Variants in GAS2L3 observed in about 807,000 individuals in gnomAD.
GAS2L3 encodes the protein growth arrest specific 2 like 3, also known as GAS2-like protein 3.
A neutral mutation model predicts 37.0 loss-of-function variants in GAS2L3; 28 were observed. That is an observed-to-expected ratio of 0.76 (90% CI 0.56 to 1.04). The LOEUF (loss-of-function observed/expected upper bound fraction) is 1.04. Among genes scored for constraint, GAS2L3 ranks in the 50% least tolerant of loss-of-function variants. GAS2L3 has a pLI of 0.00. For missense variants in GAS2L3, 793 were observed against 817.6 expected (o/e 0.97, Z 0.37); for synonymous variants, 290 against 296.6 (o/e 0.98, Z 0.23).
intron 5 of GAS2L3, among the ~76,000 whole-genome samples, chr12:100,602,313 A>G (rs1956000951): frequency 6.6e-6 from 1 of 152,122 alleles, no homozygotes; most frequent in African/African-American, 2.4e-5. Context: ...CCCTGAAGTC[A>G]TGATTTGAAG....
chr12:100,618,805 G>A (rs1956219610), intron 8 of GAS2L3: 3 of 447,928 alleles, frequency 6.7e-6, no homozygotes, highest in East Asian at 3.6e-5. Context: ...ATGTGTAGTT[G>A]AGGAGTGGTG....
At chr12:100,595,088 G>A (rs774375283) in intron 3 of GAS2L3, among the ~76,000 whole-genome samples, 166 bp downstream of exon 3, 1 of 151,596 alleles carries the variant, frequency 6.6e-6, no homozygotes, top group Non-Finnish European at 1.5e-5. Flanking sequence ...TCTCAAAAAC[G>A]TTCAATTCTA....
intron 1 of GAS2L3, among the ~76,000 whole-genome samples, chr12:100,591,388 A>G (rs1955844824): frequency 6.6e-6 from 1 of 152,180 alleles, no homozygotes; most frequent in Non-Finnish European, 1.5e-5. Context: ...ATTCCTAAAT[A>G]TTTATTCTAG....
chr12:100,608,002 C>A (rs539607775), intron 5 of GAS2L3, among the ~76,000 whole-genome samples: 6 of 152,164 alleles, frequency 3.9e-5, no homozygotes, highest in Admixed American at 3.9e-4. Context: ...AAGAGTTAGG[C>A]ATTTATTGTA....
rs1956347771 is a variant in GAS2L3 at position 100,627,952 on chromosome 12, T to C, written c.*3062T>C. On this transcript the variant is annotated 3_prime_UTR_variant, in exon 10 of 10. Coordinates refer to ENST00000547754, the MANE Select transcript of GAS2L3 (RefSeq NM_174942.3). ...CGATTATTTTTACCTTGTTTGGGCT[T>C]AAAGTAGGTATTTAAGGTTTATGTG... The C allele has an allele frequency of 6.6e-6, 1 of 152,210 alleles. No homozygotes were observed. The highest frequency in any genetic ancestry group is 6.5e-5 in the Admixed American group (1 of 15,280). The allele number at this position is 152,210 out of a possible 1,614,324, so 9.4% of individuals were successfully genotyped here. A position where few individuals can be genotyped will look rare whatever the true frequency, so the allele number is the denominator to read the frequency against.
At chr12:100,600,640 C>A in intron 4 of GAS2L3, 90 bp downstream of exon 4, 2 of 1,034,464 alleles carry the variant, frequency 1.9e-6, no homozygotes, top group Non-Finnish European at 3.0e-6. Context: ...GTGATTGTTA[C>A]AGATGCTGGG....
intron 8 of GAS2L3, 41 bp from the exon 9 acceptor site, chr12:100,622,234 T>C (rs904297861): frequency 8.9e-7 from 1 of 1,124,552 alleles, no homozygotes; most frequent in Non-Finnish European, 1.3e-6. Context: ...ACAAAATGCT[T>C]TTTGTGACAA....
At chr12:100,595,472 A>G (rs1955900403) in intron 3 of GAS2L3, among the ~76,000 whole-genome samples, 1 of 150,320 alleles carries the variant, frequency 6.7e-6, no homozygotes, top group Non-Finnish European at 1.5e-5. Context: ...ATAGCCTTAT[A>G]TCTGAATGAT....
chr12:100,582,778 A>G (rs906614479), intron 1 of GAS2L3, among the ~76,000 whole-genome samples: 3 of 152,246 alleles, frequency 2.0e-5, no homozygotes, highest in Non-Finnish European at 2.9e-5. Context: ...TAGAAATCAG[A>G]ACTCAGGGTC....
chr12:100,606,153 T>C (rs1956054108), intron 5 of GAS2L3, among the ~76,000 whole-genome samples: 1 of 152,086 alleles, frequency 6.6e-6, no homozygotes, highest in African/African-American at 2.4e-5. Flanking sequence ...ATATTTGCTT[T>C]ATTTATCTGA....
chr12:100,624,081 C>A lies in GAS2L3; in HGVS notation c.1276C>A (p.Pro426Thr). 6.2e-7 allele frequency: 1 copy of A among 1,613,976 alleles called. No homozygotes were observed. Among genetic ancestry groups the A allele is most frequent in the Non-Finnish European group, 8.5e-7 (1 of 1,179,974 alleles). Residue 426 changes from proline (P) to threonine (T), a missense_variant, in exon 10 of 10, where the codon CCT becomes ACT. By Grantham distance (38) the Pro-to-Thr change is conservative. Coordinates refer to ENST00000547754, the MANE Select transcript of GAS2L3 (RefSeq NM_174942.3). Reference sequence around the variant, plus strand: ...TTCACCAGCTTTACCAAGAACTGCACCTTGTATATCTGAGTCACCGAGAAA... The same window carrying A: ...TTCACCAGCTTTACCAAGAACTGCAACTTGTATATCTGAGTCACCGAGAAA... ...TSSPALPRTA[P>T]CISESPRKCI...
chr12:100,601,501 A>G (rs1955988766), intron 4 of GAS2L3, 137 bp from the exon 5 acceptor site: 3 of 510,918 alleles, frequency 5.9e-6, no homozygotes, highest in Non-Finnish European at 1.1e-5. Flanking sequence ...TTTTAACTGT[A>G]CCTTCTAAGA....
chr12:100,586,627 A>G (rs1461934911), intron 1 of GAS2L3, among the ~76,000 whole-genome samples: 1 of 152,196 alleles, frequency 6.6e-6, no homozygotes, highest in Non-Finnish European at 1.5e-5. Flanking sequence ...TATCAAAAAG[A>G]CTGAAAGAGC....
At chr12:100,618,217 G>A (rs1470682826) in intron 7 of GAS2L3, among the ~76,000 whole-genome samples, 6 of 152,102 alleles carry the variant, frequency 3.9e-5, no homozygotes, top group Non-Finnish European at 8.8e-5. Flanking sequence ...CAGGATCCCA[G>A]GTAGAATATT....
intron 5 of GAS2L3, among the ~76,000 whole-genome samples, chr12:100,609,609 A>C (rs1313387447): frequency 4.6e-5 from 7 of 152,172 alleles, no homozygotes; most frequent in African/African-American, 1.7e-4. Flanking sequence ...CCAGCTCAGC[A>C]CTGGGCTTGC....
chr12:100,615,404 TATTAG>T (rs1956173922), intron 6 of GAS2L3, among the ~76,000 whole-genome samples: 1 of 152,188 alleles, frequency 6.6e-6, no homozygotes, highest in Non-Finnish European at 1.5e-5. Context: ...TACTAGGCCA[TATTAG>T]ATAAGATTTG....
At chr12:100,617,678 C>T (rs1026306675) in intron 6 of GAS2L3, 66 bp from the exon 7 acceptor site, 1 of 967,142 alleles carries the variant, frequency 1.0e-6, no homozygotes, top group African/African-American at 1.6e-5. Flanking sequence ...CTCTCTTCTT[C>T]CATGCCAGAA....
At chr12:100,618,658 G>A in intron 8 of GAS2L3, 71 bp downstream of exon 8, 1 of 1,331,210 alleles carries the variant, frequency 7.5e-7, no homozygotes, top group Non-Finnish European at 1.0e-6. Context: ...CTTCTAGTGT[G>A]CTACAGGTGA....
chr12:100,589,028 G>A (rs895808055), intron 1 of GAS2L3, among the ~76,000 whole-genome samples: 13 of 152,092 alleles, frequency 8.5e-5, no homozygotes, highest in African/African-American at 3.1e-4. Flanking sequence ...TATCACAGTG[G>A]TCCTGAGGTG....
Sources: allele counts gnomAD v4.1 joint callset (sites outside exome capture counted in the v4.1 genomes callset), GRCh38; gene constraint gnomAD v4.1.1; transcripts MANE v1.5; gene names NCBI Gene and HGNC (gene_info 2026-07-23, HGNC 2026-07-21).